Variants in ZNF782 observed in about 807,000 individuals in gnomAD.
ZNF782 encodes zinc finger protein 782.
ZNF782 carries 12 observed loss-of-function variants against 13.0 expected under a neutral mutation model. The ratio of observed to expected loss-of-function variants is 0.92; its 90% confidence interval spans 0.59 to 1.50. ZNF782 has a LOEUF of 1.50. Among genes scored for constraint, ZNF782 ranks in the 40% most tolerant of loss-of-function variants. The probability of loss-of-function intolerance (pLI) is 0.00; values close to 1 mark genes in which losing one functional copy is unlikely to be tolerated. For missense variants in ZNF782, 770 were observed against 822.9 expected (o/e 0.94, Z 0.79); for synonymous variants, 284 against 283.0 (o/e 1.00, Z -0.04).
At chr9:96,836,932 A>G (rs1038467491) in intron 4 of ZNF782, among the ~76,000 whole-genome samples, 7 of 152,106 alleles carry the variant, frequency 4.6e-5, no homozygotes, top group Non-Finnish European at 8.8e-5. Context: ...ACTTCCCACC[A>G]TAAGTTGAAG....
At chr9:96,869,254 A>C (rs1037056460) in intron 1 of ZNF782, among the ~76,000 whole-genome samples, 1 of 152,200 alleles carries the variant, frequency 6.6e-6, no homozygotes, top group East Asian at 1.9e-4. Flanking sequence ...TATAGATATC[A>C]TCTCTTCTGT....
upstream of ZNF782, among the ~76,000 whole-genome samples, chr9:96,876,195 A>T (rs1366747743): frequency 1.3e-5 from 2 of 152,216 alleles, no homozygotes; most frequent in African/African-American, 4.8e-5. Context: ...GTGTACTGGC[A>T]ATTATAAATA....
intron 1 of ZNF782, among the ~76,000 whole-genome samples, chr9:96,868,697 A>G (rs1301596532): frequency 6.6e-6 from 1 of 152,208 alleles, no homozygotes; most frequent in Admixed American, 6.5e-5. Context: ...CTAAGTTTTC[A>G]AAGAGAACTG....
At chr9:96,854,785 A>T (rs78977470), upstream of ZNF782, among the ~76,000 whole-genome samples, 1,874 of 149,890 alleles carry the variant, frequency 0.013, 58 homozygotes, top group East Asian at 0.1. Flanking sequence ...TTGAACCAAC[A>T]TTTTTTTTTT....
intron 5 of ZNF782, among the ~76,000 whole-genome samples, chr9:96,821,669 C>CA (rs1850421874): frequency 7.1e-6 from 1 of 141,298 alleles, no homozygotes; most frequent in East Asian, 2.1e-4. Context: ...TAATAGTTCA[C>CA]TTTTTTTTTT....
At chr9:96,930,744 T>G in the ZNF782 span, among the ~76,000 whole-genome samples, 1 of 150,298 alleles carries the variant, frequency 6.7e-6, no homozygotes, top group Admixed American at 6.6e-5. Context: ...ATGGGTGGCC[T>G]GAATCTGACC....
chr9:96,914,242 C>T, the ZNF782 span, among the ~76,000 whole-genome samples: 37 of 151,806 alleles, frequency 2.4e-4, 1 homozygote, highest in South Asian at 7.7e-3. Flanking sequence ...CTGCCTCAGT[C>T]TCCTGATTAT....
the ZNF782 span, among the ~76,000 whole-genome samples, chr9:96,926,464 T>C: frequency 1.3e-5 from 2 of 152,218 alleles, no homozygotes; most frequent in Non-Finnish European, 2.9e-5. Context: ...CGAGGTAGAG[T>C]TGCACAGCAG....
At chr9:96,897,631 T>C in the ZNF782 span, among the ~76,000 whole-genome samples, 2 of 151,332 alleles carry the variant, frequency 1.3e-5, no homozygotes, top group Admixed American at 6.5e-5. Context: ...CATCTGAGGA[T>C]GCTGGAAGTC....
At chr9:96,878,545 A>T (rs1851922546), upstream of ZNF782, among the ~76,000 whole-genome samples, 1 of 152,242 alleles carries the variant, frequency 6.6e-6, no homozygotes, top group South Asian at 2.1e-4. Context: ...ATGCATTTTT[A>T]AAAACATGGT....
chr9:96,908,242 T>C, the ZNF782 span, among the ~76,000 whole-genome samples: 7 of 151,800 alleles, frequency 4.6e-5, no homozygotes, highest in Non-Finnish European at 1.0e-4. Context: ...CAATCATGGC[T>C]CGCTGCAGCC....
At chr9:96,927,496 T>C in the ZNF782 span, among the ~76,000 whole-genome samples, 5 of 152,104 alleles carry the variant, frequency 3.3e-5, no homozygotes, top group African/African-American at 1.2e-4. Flanking sequence ...TCTGCAATGG[T>C]TGTGGTGCAG....
upstream of ZNF782, chr9:96,875,645 G>A (rs909938173): frequency 5.5e-5 from 25 of 454,404 alleles, no homozygotes; most frequent in Non-Finnish European, 9.3e-5. Flanking sequence ...CCTAAAGGGG[G>A]CGCAGCTCCA....
At chr9:96,860,820 C>A (rs1851694535) in intron 2 of ZNF782, among the ~76,000 whole-genome samples, 1 of 152,158 alleles carries the variant, frequency 6.6e-6, no homozygotes, top group Non-Finnish European at 1.5e-5. Context: ...AACAAAGGTG[C>A]CGAGAACATA....
the ZNF782 span, among the ~76,000 whole-genome samples, chr9:96,911,165 C>T: frequency 1.0e-4 from 15 of 146,300 alleles, no homozygotes; most frequent in Non-Finnish European, 2.1e-4. Flanking sequence ...AAGGGCCAGG[C>T]GCGGTGGCTC....
At chr9:96,927,148 A>C in the ZNF782 span, among the ~76,000 whole-genome samples, 1 of 152,192 alleles carries the variant, frequency 6.6e-6, no homozygotes, top group Non-Finnish European at 1.5e-5. Flanking sequence ...CCATGCTGAG[A>C]ACCACATGTG....
At chr9:96,888,652 G>A in the ZNF782 span, 3 of 152,200 alleles carry the variant, frequency 2.0e-5, no homozygotes, top group African/African-American at 7.2e-5. Context: ...GGATGCACTT[G>A]GATGTGGTCA....
chr9:96,875,651 C>T (rs1284033260), upstream of ZNF782: 1 of 453,818 alleles, frequency 2.2e-6, no homozygotes, highest in South Asian at 1.6e-5. Context: ...GGGGGCGCAG[C>T]TCCACCTGCG....
At chr9:96,886,994 G>A in the ZNF782 span, among the ~76,000 whole-genome samples, 1 of 150,992 alleles carries the variant, frequency 6.6e-6, no homozygotes, top group African/African-American at 2.4e-5. Flanking sequence ...CACAGAGAGG[G>A]AAGAAATGAG....
Sources: gnomAD v4.1 joint callset for allele counts (sites outside exome capture counted in the v4.1 genomes callset) on GRCh38, gnomAD v4.1.1 for gene constraint, MANE v1.5 for transcripts, NCBI Gene and HGNC (gene_info 2026-07-23, HGNC 2026-07-21) for gene names.